The following KIRREL3 variants were observed in gnomAD, a reference collection of about 807,000 sequenced individuals.
The protein encoded by KIRREL3 is kirre like nephrin family adhesion molecule 3.
In KIRREL3, 36 loss-of-function variants were observed where a neutral mutation model predicts 89.7. The observed-to-expected ratio is 0.40, with a 90% CI of 0.31 to 0.53. The LOEUF (loss-of-function observed/expected upper bound fraction) is 0.53. Ranked by LOEUF, KIRREL3 falls within the 20% of genes least tolerant of loss-of-function variation. The pLI is 0.49. For missense variants in KIRREL3, 864 were observed against 1,056.6 expected (o/e 0.82, Z 2.53); for synonymous variants, 445 against 441.4 (o/e 1.01, Z -0.10).
chr11:126,721,969 C>T (rs535518147), intron 1 of KIRREL3, among the ~76,000 whole-genome samples: 5 of 152,286 alleles, frequency 3.3e-5, no homozygotes, highest in East Asian at 1.9e-4. Context: ...TGGTCAGAAG[C>T]GAAGGGTTCC....
intron 1 of KIRREL3, among the ~76,000 whole-genome samples, chr11:126,637,694 A>G (rs1177130279): frequency 2.6e-5 from 4 of 152,224 alleles, no homozygotes; most frequent in African/African-American, 9.6e-5. Flanking sequence ...AAGTCTGGAT[A>G]TCTCTGCGGA....
Position 126,541,638 on chromosome 11 carries a change from A to G in KIRREL3, c.134-14951T>C, listed in dbSNP as rs576582198. Among the ~76,000 whole-genome samples the G allele has an allele frequency of 1.5e-4, 23 of 152,300 alleles. No individual in the cohort carries two copies. Among genetic ancestry groups the G allele is most frequent in the Admixed American group, 1.2e-3 (18 of 15,304 alleles). ...AAAAATAACAGTTTCCTGGGCTCCAACTCAGAGATTCTGGGATAGTGGCTC... is the reference window on the plus strand; with the variant it reads ...AAAAATAACAGTTTCCTGGGCTCCAGCTCAGAGATTCTGGGATAGTGGCTC... On this transcript the variant is annotated intron_variant, in intron 2 of 16. Transcript: ENST00000525144. This position sits in a 1 kb window ranked among gnomAD's most constrained non-coding sequence, Gnocchi z 4.8.
rs575430617 is a variant in KIRREL3 at position 126,846,795 on chromosome 11, A to G, written c.55+153660T>C. Among the ~76,000 whole-genome samples, 6 of 152,330 alleles carry G rather than the reference A, an allele frequency of 3.9e-5. No individual in the cohort carries two copies. In the East Asian group the frequency reaches 9.7e-4, roughly 25 times the overall value. On this transcript the variant is annotated intron_variant, in intron 1 of 16. Coordinates refer to ENST00000525144, the MANE Select transcript of KIRREL3 (RefSeq NM_032531.4). ...TTCTTACTTAAGTTTGGAGGTTTAA[A>G]GGATTGTTTTAAGTTAGATAAGATA...
At chr11:126,593,056 C>T (rs1035476728) in intron 1 of KIRREL3, among the ~76,000 whole-genome samples, 3 of 152,140 alleles carry the variant, frequency 2.0e-5, no homozygotes, top group Non-Finnish European at 2.9e-5. Flanking sequence ...GCTCCCACCC[C>T]GTCAGCCGAC....
At chr11:126,959,131 T>G (rs891500704) in intron 1 of KIRREL3, among the ~76,000 whole-genome samples, 3 of 152,228 alleles carry the variant, frequency 2.0e-5, no homozygotes, top group Non-Finnish European at 4.4e-5. Flanking sequence ...CTACAGACTC[T>G]GGCTAGAACA....
rs535558724 is a variant in KIRREL3, at chr11:126,842,165, G to A, written c.55+158290C>T. 5.9e-5 allele frequency among the ~76,000 whole-genome samples: 9 copies of A among 152,226 alleles called. No homozygotes were observed. In the South Asian group the frequency reaches 1.2e-3, roughly 21 times the overall value. On this transcript the variant is annotated intron_variant, in intron 1 of 16. Coordinates refer to ENST00000525144, the MANE Select transcript of KIRREL3 (RefSeq NM_032531.4). Reference sequence around the variant, plus strand: ...GCCTGCCTGTGAGTGGTTGCTGTTCGGAGGGCCAGCTCTGTCAGGAGCTCT... The same window carrying A: ...GCCTGCCTGTGAGTGGTTGCTGTTCAGAGGGCCAGCTCTGTCAGGAGCTCT...
rs1171562422 is a variant in KIRREL3 at position 126,561,141 on chromosome 11, G to A, written c.133+1694C>T. On this transcript the variant is annotated intron_variant, in intron 2 of 16. Transcript: ENST00000525144. The surrounding 1 kb of genome is among the most constrained non-coding windows in gnomAD (Gnocchi z 4.5). Reference sequence around the variant, plus strand: ...GGCTGGCTGGAGTGGAAGAAGAGGAGCTTCCTCCCTCCAGAGCCCTCCCTC... The same window carrying A: ...GGCTGGCTGGAGTGGAAGAAGAGGAACTTCCTCCCTCCAGAGCCCTCCCTC... Among the ~76,000 whole-genome samples the A allele has an allele frequency of 1.3e-5, 2 of 152,142 alleles. No homozygotes were observed. Among genetic ancestry groups the A allele is most frequent in the Non-Finnish European group, 2.9e-5 (2 of 68,018 alleles).
chr11:126,728,343 G>A (rs1378566725), intron 1 of KIRREL3, among the ~76,000 whole-genome samples: 2 of 152,224 alleles, frequency 1.3e-5, no homozygotes, highest in Middle Eastern at 3.4e-3. Flanking sequence ...GTGTTCTCCC[G>A]TGGCATGCTG....
rs1247035001 is a variant in KIRREL3 at position 126,570,496 on chromosome 11, A to G, written c.56-7584T>C. Among the ~76,000 whole-genome samples, 5 of 152,170 alleles carry G rather than the reference A, an allele frequency of 3.3e-5. No homozygotes were observed. Among genetic ancestry groups the G allele is most frequent in the African/African-American group, 1.2e-4 (5 of 41,442 alleles). ...TTGACAATCATTTGTGATAATTCCA[A>G]AAACTTGTTGTGACCCGCCAGCCCA... On this transcript the variant is annotated intron_variant, in intron 1 of 16. Coordinates refer to ENST00000525144, the MANE Select transcript of KIRREL3 (RefSeq NM_032531.4). This position sits in a 1 kb window ranked among gnomAD's most constrained non-coding sequence, Gnocchi z 6.1.
At chr11:126,549,802 C>G (rs560745759) in intron 2 of KIRREL3, 1 of 152,342 alleles carries the variant, frequency 6.6e-6, no homozygotes, top group South Asian at 2.1e-4. Context: ...AAACTGCAGC[C>G]TCCTGGGGTG....
At position 126,977,304 on chromosome 11, in the gene KIRREL3, T is replaced by C. The variant is rs2135235820; in HGVS notation, c.55+23151A>G. On this transcript the variant is annotated intron_variant, in intron 1 of 16. Transcript: ENST00000525144. This position sits in a 1 kb window ranked among gnomAD's most constrained non-coding sequence, Gnocchi z 4.7. ...TGGTTTCTTCGGATGCTGCCGCCCT[T>C]TCCTTCTTCATCAGGATCATTCGTT... is the stretch of plus-strand genomic sequence containing the variant. 6.6e-6 allele frequency among the ~76,000 whole-genome samples: 1 copy of C among 152,266 alleles called. No individual in the cohort carries two copies. The highest frequency in any genetic ancestry group is 3.4e-3 in the Middle Eastern group (1 of 294).
chr11:126,431,843 G>A lies in KIRREL3; in HGVS notation c.1589-317C>T, dbSNP rs1217783024. Among the ~76,000 whole-genome samples the A allele has an allele frequency of 6.6e-6, 1 of 152,174 alleles. No individual in the cohort carries two copies. Among genetic ancestry groups the A allele is most frequent in the Non-Finnish European group, 1.5e-5 (1 of 68,022 alleles). ...GCCAGGGGACAGGAAGACCGGAGAT[G>A]AGGGGTGGGGCTGGCACGATGGAGC... On this transcript the variant is annotated intron_variant, in intron 13 of 16. Transcript: ENST00000525144. The surrounding 1 kb of genome is among the most constrained non-coding windows in gnomAD (Gnocchi z 7.1).
intron 1 of KIRREL3, among the ~76,000 whole-genome samples, chr11:126,727,987 C>A (rs548994491): frequency 2.0e-5 from 3 of 151,774 alleles, no homozygotes; most frequent in African/African-American, 7.3e-5. Context: ...GCATTTCTCC[C>A]GCAGCCCCAC....
rs1945562223 is a variant in KIRREL3 at position 126,664,440 on chromosome 11, C to T, written c.56-101528G>A. ...ACTTTCCAGTGTTGAGAAGCACCTC[C>T]TTCCTCCCACCTGCCTACTCTAAAT... is the stretch of plus-strand genomic sequence containing the variant. On this transcript the variant is annotated intron_variant, in intron 1 of 16. Coordinates refer to ENST00000525144, the MANE Select transcript of KIRREL3 (RefSeq NM_032531.4). This position sits in a 1 kb window ranked among gnomAD's most constrained non-coding sequence, Gnocchi z 5.4. 6.6e-6 allele frequency among the ~76,000 whole-genome samples: 1 copy of T among 152,118 alleles called. No homozygotes were observed. Among genetic ancestry groups the T allele is most frequent in the Admixed American group, 6.5e-5 (1 of 15,272 alleles).
In KIRREL3 at chr11:126,676,832, T is replaced by G. The variant is rs1447537192; in HGVS notation, c.56-113920A>C. Among the ~76,000 whole-genome samples, 1 of 152,034 alleles carries G rather than the reference T, an allele frequency of 6.6e-6. No homozygotes were observed. The highest frequency in any genetic ancestry group is 1.5e-5 in the Non-Finnish European group (1 of 67,982). On this transcript the variant is annotated intron_variant, in intron 1 of 16. Transcript: ENST00000525144. The surrounding 1 kb of genome is among the most constrained non-coding windows in gnomAD (Gnocchi z 4.5). ...CAGAGTCTCCCTCTGCCATCTGGAC[T>G]GGTATACAGTGGCTCAACCACAGGT...
At position 126,761,652 on chromosome 11, in the gene KIRREL3, G is replaced by A. The variant is rs1313896536; in HGVS notation, c.56-198740C>T. 2.0e-5 allele frequency among the ~76,000 whole-genome samples: 3 copies of A among 152,044 alleles called. No homozygotes were observed. The highest frequency in any genetic ancestry group is 4.4e-5 in the Non-Finnish European group (3 of 68,022). ...AGACATAGTTACTCTTTCTTCTAAG[G>A]AATCTTGTAGAAATGTGATTATGGT... On this transcript the variant is annotated intron_variant, in intron 1 of 16. Coordinates refer to ENST00000525144, the MANE Select transcript of KIRREL3 (RefSeq NM_032531.4). This position sits in a 1 kb window ranked among gnomAD's most constrained non-coding sequence, Gnocchi z 4.4.
At position 126,792,503 on chromosome 11, in the gene KIRREL3, T is replaced by C. The variant is rs75794184; in HGVS notation, c.55+207952A>G. Reference sequence around the variant, plus strand: ...ACGTAACCACTGGACTCCACTGGACTCTTAAGTTGAATCTTTACCTGTCTA... The same window carrying C: ...ACGTAACCACTGGACTCCACTGGACCCTTAAGTTGAATCTTTACCTGTCTA... On this transcript the variant is annotated intron_variant, in intron 1 of 16. Coordinates refer to ENST00000525144, the MANE Select transcript of KIRREL3 (RefSeq NM_032531.4). Among the ~76,000 whole-genome samples the C allele has an allele frequency of 6.0e-3, 909 of 152,326 alleles. 6 individuals are homozygous for C. Among genetic ancestry groups the C allele is most frequent in the African/African-American group, 0.02 (833 of 41,580 alleles).
In KIRREL3 at chr11:126,736,765, G is replaced by A. The variant is rs4935989; in HGVS notation, c.56-173853C>T. On this transcript the variant is annotated intron_variant, in intron 1 of 16. Transcript: ENST00000525144. This position sits in a 1 kb window ranked among gnomAD's most constrained non-coding sequence, Gnocchi z 5.0. ...CCTGATTTTACAGATAAGAAAACCC[G>A]GGTGTGGGTAAGGTTAAAGGTCATG... Among the ~76,000 whole-genome samples the A allele has an allele frequency of 0.027, 4,154 of 152,250 alleles. 83 individuals are homozygous for A. Among genetic ancestry groups the A allele is most frequent in the Admixed American group, 0.046 (707 of 15,288 alleles).
In KIRREL3 at chr11:126,751,944, C is replaced by G. The variant is rs138698845; in HGVS notation, c.56-189032G>C. ...TCTCAAACTCCTGGCCTCAAGCGAT[C>G]CTCCCATCTTGACCTCCCAAAGTGC... On this transcript the variant is annotated intron_variant, in intron 1 of 16. Transcript: ENST00000525144. Among the ~76,000 whole-genome samples, 1,332 of 152,272 alleles carry G rather than the reference C, an allele frequency of 8.7e-3. 29 individuals carry two copies. Among genetic ancestry groups the G allele is most frequent in the African/African-American group, 0.03 (1,259 of 41,554 alleles).
Sources: gnomAD v4.1 joint callset for allele counts (sites outside exome capture counted in the v4.1 genomes callset) on GRCh38, gnomAD v4.1.1 for gene constraint, Gnocchi (gnomAD v3.1) non-coding constraint, MANE v1.5 for transcripts, NCBI Gene and HGNC (gene_info 2026-07-23, HGNC 2026-07-21) for gene names.